Variants in TTLL9 observed in about 807,000 individuals in gnomAD.
The protein encoded by TTLL9 is probable tubulin polyglutamylase TTLL9.
Under a neutral mutation model 65.6 loss-of-function variants are expected in TTLL9, and 47 were observed. That is an observed-to-expected ratio of 0.72 (90% CI 0.57 to 0.91). The LOEUF (loss-of-function observed/expected upper bound fraction) is 0.91. TTLL9 is among the 40% of genes least tolerant of loss of function. The pLI is 0.00. For missense variants in TTLL9, 537 were observed against 568.8 expected (o/e 0.94, Z 0.57); for synonymous variants, 179 against 204.8 (o/e 0.87, Z 1.07).
chr20:31,881,547 C>T (rs2063117947), intron 2 of TTLL9, among the ~76,000 whole-genome samples: 1 of 151,830 alleles, frequency 6.6e-6, no homozygotes, highest in Non-Finnish European at 1.5e-5. Flanking sequence ...CATGACCAAA[C>T]TCTCAAATTT....
intron 2 of TTLL9, among the ~76,000 whole-genome samples, chr20:31,877,615 C>T (rs2063054930): frequency 6.6e-6 from 1 of 152,068 alleles, no homozygotes; most frequent in Non-Finnish European, 1.5e-5. Context: ...ATCTATTTTT[C>T]AACCCTATGG....
intron 10 of TTLL9, among the ~76,000 whole-genome samples, chr20:31,932,529 A>G (rs1327667263): frequency 6.6e-6 from 1 of 151,684 alleles, no homozygotes; most frequent in East Asian, 1.9e-4. Context: ...AAGAGTAAAG[A>G]GGATACCTTT....
Position 31,943,721 on chromosome 20 carries a change from G to C in TTLL9, c.*700G>C, listed in dbSNP as rs1206009252. 3 of 456,566 alleles carry C rather than the reference G, an allele frequency of 6.6e-6. No homozygotes were observed. The highest frequency in any genetic ancestry group is 2.0e-5 in the African/African-American group (1 of 50,054). The allele number at this position is 456,566 out of a possible 1,614,324, so 28.3% of individuals were successfully genotyped here. ...AGAGCTTAGTGAGGGTCTCTGCAAA[G>C]GTGCATTTATCTAAGTCAGATGGGT... is the stretch of plus-strand genomic sequence containing the variant. On this transcript the variant is annotated 3_prime_UTR_variant, in exon 15 of 15. Coordinates refer to ENST00000535842, the MANE Select transcript of TTLL9 (RefSeq NM_001008409.5).
At chr20:31,894,773 G>A (rs1184096357) in intron 3 of TTLL9, among the ~76,000 whole-genome samples, 10 of 151,652 alleles carry the variant, frequency 6.6e-5, no homozygotes, top group Admixed American at 1.3e-4. Flanking sequence ...TAGAGTATGC[G>A]AGCTCCTTCC....
At chr20:31,881,691 A>G (rs897330004) in intron 2 of TTLL9, among the ~76,000 whole-genome samples, 5 of 146,638 alleles carry the variant, frequency 3.4e-5, no homozygotes, top group Non-Finnish European at 5.9e-5. Flanking sequence ...CTGAAGCTTC[A>G]ACCTCTTGGG....
intron 4 of TTLL9, among the ~76,000 whole-genome samples, chr20:31,898,852 G>A (rs975003173): frequency 6.6e-6 from 1 of 152,224 alleles, no homozygotes; most frequent in Non-Finnish European, 1.5e-5. Flanking sequence ...ACCCAGGCAC[G>A]TTTGTGTCCT....
chr20:31,937,323 A>G, intron 12 of TTLL9, 73 bp from the exon 13 acceptor site: 1 of 1,009,054 alleles, frequency 9.9e-7, no homozygotes. Context: ...GCATCCATCT[A>G]GCCTCTCAGT....
At chr20:31,910,355 C>T (rs1365105226) in intron 6 of TTLL9, among the ~76,000 whole-genome samples, 1 of 152,250 alleles carries the variant, frequency 6.6e-6, no homozygotes, top group Non-Finnish European at 1.5e-5. Context: ...GCTGAAGACA[C>T]AGCCCTCAGC....
chr20:31,921,618 A>G (rs897143541), intron 7 of TTLL9, among the ~76,000 whole-genome samples: 4 of 152,252 alleles, frequency 2.6e-5, no homozygotes, highest in Admixed American at 2.0e-4. Flanking sequence ...TGTGGCACAT[A>G]TACACCATGA....
At chr20:31,929,205 TATTAACTCTGAAAACTGCAGAGA>T (rs565627697) in intron 10 of TTLL9, among the ~76,000 whole-genome samples, 1 of 152,346 alleles carries the variant, frequency 6.6e-6, no homozygotes, top group East Asian at 1.9e-4. Flanking sequence ...CTCACTAATC[TATTAACTCTGAAAACTGCAGAGA>T]ATTAGAACCA....
At chr20:31,879,901 G>C in intron 2 of TTLL9, 1 of 1,550,198 alleles carries the variant, frequency 6.5e-7, no homozygotes, top group Non-Finnish European at 8.7e-7. Context: ...ACCGAAGGTA[G>C]GAGTCGACCT....
intron 4 of TTLL9, among the ~76,000 whole-genome samples, chr20:31,905,566 C>T (rs987800806): frequency 1.3e-5 from 2 of 152,146 alleles, no homozygotes; most frequent in South Asian, 4.1e-4. Flanking sequence ...ACGTGCTTCA[C>T]GTCACCACAT....
At chr20:31,872,813 G>C (rs1442498031) in intron 2 of TTLL9, among the ~76,000 whole-genome samples, 1 of 152,230 alleles carries the variant, frequency 6.6e-6, no homozygotes, top group Non-Finnish European at 1.5e-5. Flanking sequence ...AAAGCCAGTG[G>C]GACTGGAGTA....
At chr20:31,916,402 G>C (rs2063733798) in intron 6 of TTLL9, among the ~76,000 whole-genome samples, 1 of 152,194 alleles carries the variant, frequency 6.6e-6, no homozygotes, top group African/African-American at 2.4e-5. Context: ...GCTGGAACTA[G>C]GTATTAGGTG....
At chr20:31,918,571 T>C (rs2063771569) in intron 6 of TTLL9, among the ~76,000 whole-genome samples, 1 of 152,164 alleles carries the variant, frequency 6.6e-6, no homozygotes, top group Admixed American at 6.5e-5. Context: ...CGATGTGATC[T>C]CAAGGTCTTT....
rs937125648 is a variant in TTLL9 at position 31,887,231 on chromosome 20, A to G, written c.105A>G (p.Gly35=). 2 of 1,614,046 alleles carry G rather than the reference A, an allele frequency of 1.2e-6. No homozygotes were observed. The highest frequency in any genetic ancestry group is 2.7e-5 in the African/African-American group (2 of 74,930). ...ACAAGGGCCATGGATTGTCAAAGGGAAAAGAGCGGTGAGTGGTCCCATCCA... is the reference window on the plus strand; with the variant it reads ...ACAAGGGCCATGGATTGTCAAAGGGGAAAGAGCGGTGAGTGGTCCCATCCA... ...QNYKGHGLSK[G]KEREQRASIR... The change falls in exon 3 of 15, where the codon GGA becomes GGG. Residue 35 remains glycine (G), a synonymous_variant. Coordinates refer to ENST00000535842, the MANE Select transcript of TTLL9 (RefSeq NM_001008409.5).
intron 2 of TTLL9, among the ~76,000 whole-genome samples, chr20:31,880,932 C>T (rs368640321): frequency 7.1e-6 from 1 of 140,402 alleles, no homozygotes; most frequent in Non-Finnish European, 1.5e-5. Flanking sequence ...TTGGCTCAGT[C>T]GACTTCCTGG....
intron 2 of TTLL9, among the ~76,000 whole-genome samples, chr20:31,885,148 A>G (rs547519636): frequency 1.1e-4 from 17 of 152,298 alleles, no homozygotes; most frequent in African/African-American, 3.8e-4. Context: ...TGTAGATTCA[A>G]TGCAATCCCA....
chr20:31,934,261 C>G, intron 11 of TTLL9: 1 of 502,442 alleles, frequency 2.0e-6, no homozygotes. Context: ...AGGGCCAGAT[C>G]AAGGGGACAC....
Sources: gnomAD v4.1 joint callset for allele counts (sites outside exome capture counted in the v4.1 genomes callset) on GRCh38, gnomAD v4.1.1 for gene constraint, MANE v1.5 for transcripts, NCBI Gene and HGNC (gene_info 2026-07-23, HGNC 2026-07-21) for gene names.